AFAP1: variants seen among roughly 807,000 people sequenced by gnomAD.
The protein encoded by AFAP1 is actin filament-associated protein 1.
Under a neutral mutation model 93.9 loss-of-function variants are expected in AFAP1, and 75 were observed. The observed-to-expected ratio is 0.80, with a 90% CI of 0.66 to 0.97. The LOEUF (loss-of-function observed/expected upper bound fraction) is 0.97, where lower values mean the gene tolerates loss of function less well. Among genes scored for constraint, AFAP1 ranks in the 50% least tolerant of loss-of-function variants. The probability of loss-of-function intolerance (pLI) is 0.00; values close to 1 mark genes in which losing one functional copy is unlikely to be tolerated. For synonymous variants in AFAP1, 517 were observed against 430.7 expected (o/e 1.20, Z -2.48); for missense variants, 1,201 against 1,050.8 (o/e 1.14, Z -1.98).
At chr4:7,773,943 G>C (rs1478150727) in intron 15 of AFAP1, 1 of 152,442 alleles carries the variant, frequency 6.6e-6, no homozygotes, top group Non-Finnish European at 1.5e-5. Context: ...CGAGCCATGG[G>C]AAGGCCACAG....
chr4:7,768,022 GCT>G (rs1714857441), intron 17 of AFAP1, among the ~76,000 whole-genome samples: 1 of 152,254 alleles, frequency 6.6e-6, no homozygotes, highest in African/African-American at 2.4e-5. Context: ...GCTGTGGTGA[GCT>G]GTGATGGCAC....
At chr4:7,819,632 C>A (rs1720788451) in intron 6 of AFAP1, among the ~76,000 whole-genome samples, 1 of 152,178 alleles carries the variant, frequency 6.6e-6, no homozygotes, top group South Asian at 2.1e-4. Context: ...GCAGGAACAG[C>A]TGGTGAAAAA....
intron 1 of AFAP1, among the ~76,000 whole-genome samples, chr4:7,881,937 C>T (rs1717875743): frequency 6.6e-6 from 1 of 152,160 alleles, no homozygotes; most frequent in Non-Finnish European, 1.5e-5. Context: ...TATATCTCAG[C>T]ATCATCATGA....
At chr4:7,907,832 TA>T (rs1246728239) in intron 1 of AFAP1, among the ~76,000 whole-genome samples, 1 of 152,152 alleles carries the variant, frequency 6.6e-6, no homozygotes, top group Admixed American at 6.5e-5. Context: ...TGAAGGAAAT[TA>T]AAAATGAGGC....
chr4:7,835,963 G>A (rs1272556791), intron 6 of AFAP1, among the ~76,000 whole-genome samples: 7 of 152,154 alleles, frequency 4.6e-5, no homozygotes, highest in Non-Finnish European at 1.0e-4. Context: ...ACCCCCAAGT[G>A]TGCGGGAGAG....
chr4:7,937,940 G>A (rs1174792286), intron 1 of AFAP1, among the ~76,000 whole-genome samples: 2 of 152,146 alleles, frequency 1.3e-5, no homozygotes, highest in African/African-American at 2.4e-5. Flanking sequence ...AAAGGAGCTC[G>A]CATTTACCCG....
At chr4:7,778,520 A>G in intron 14 of AFAP1, 1 of 569,358 alleles carries the variant, frequency 1.8e-6, no homozygotes, top group Non-Finnish European at 3.1e-6. Context: ...CTATTTTAAA[A>G]TGCTGAGTCG....
intron 4 of AFAP1, among the ~76,000 whole-genome samples, chr4:7,854,275 T>C (rs368538975): frequency 6.6e-6 from 1 of 152,224 alleles, no homozygotes; most frequent in African/African-American, 2.4e-5. Flanking sequence ...TTATCAGAAC[T>C]ATCCCTTTTC....
intron 9 of AFAP1, among the ~76,000 whole-genome samples, chr4:7,804,586 G>C (rs1466038899): frequency 3.3e-5 from 5 of 152,174 alleles, no homozygotes; most frequent in Non-Finnish European, 7.3e-5. Context: ...CCGGATATGG[G>C]GCGTCGCGGG....
chr4:7,922,054 C>T (rs1360591059), intron 1 of AFAP1, among the ~76,000 whole-genome samples: 1 of 152,028 alleles, frequency 6.6e-6, no homozygotes, highest in Non-Finnish European at 1.5e-5. Context: ...ACCCAGGAAG[C>T]GGAGGTTGCA....
chr4:7,883,688 A>G (rs1717980700), intron 1 of AFAP1, among the ~76,000 whole-genome samples: 1 of 152,234 alleles, frequency 6.6e-6, no homozygotes, highest in Non-Finnish European at 1.5e-5. Flanking sequence ...TAGCTAGAAG[A>G]TATCATGGAA....
At chr4:7,785,105 A>G (rs903850746) in intron 12 of AFAP1, among the ~76,000 whole-genome samples, 4 of 152,184 alleles carry the variant, frequency 2.6e-5, no homozygotes, top group African/African-American at 9.6e-5. Context: ...TCCTTCATTC[A>G]TCTGCTAACT....
rs10937859 is a variant in AFAP1, at chr4:7,774,416, G to A, written c.2062+323C>T. 36,009 of 309,628 alleles carry A rather than the reference G, an allele frequency of 0.12. 2,543 individuals carry two copies. The highest frequency in any genetic ancestry group is 0.26 in the East Asian group (3,514 of 13,370). 19.2% of individuals were successfully genotyped at this position (309,628 alleles called of 1,614,324 possible). On this transcript the variant is annotated intron_variant, in intron 15 of 17. Coordinates refer to ENST00000420658, the MANE Select transcript of AFAP1 (RefSeq NM_001134647.2). The stretch of plus-strand genomic sequence containing the variant: ...GTGACCAGAATCTACTGCGTCCTGC[G>A]GATACAGGGGCCATCCTCCAGACAA...
intron 10 of AFAP1, 71 bp downstream of exon 10, chr4:7,800,371 C>A: frequency 6.7e-7 from 1 of 1,502,260 alleles, no homozygotes; most frequent in Non-Finnish European, 9.1e-7. Context: ...GAGGAGTCAG[C>A]ATTCGCCTTT....
In AFAP1 at chr4:7,763,066, AAGTGTGACACACAGT is replaced by A. The variant is rs1277419286; in HGVS notation, c.*684_*698del. 1 of 152,552 alleles carries A rather than the reference AAGTGTGACACACAGT, an allele frequency of 6.6e-6. No individual in the cohort carries two copies. The highest frequency in any genetic ancestry group is 1.5e-5 in the Non-Finnish European group (1 of 68,050). The allele number at this position is 152,552 out of a possible 1,614,324, so 9.4% of individuals were successfully genotyped here. ...GGAACCTCTGAAAACTCCTTGATCT[AAGTGTGACACACAGT>A]AAAAAGACATTCCTAAAAAACAGGT... On this transcript the variant is annotated 3_prime_UTR_variant, in exon 18 of 18. Coordinates refer to ENST00000420658, the MANE Select transcript of AFAP1 (RefSeq NM_001134647.2).
chr4:7,812,312 C>G (rs1720118843), intron 8 of AFAP1, among the ~76,000 whole-genome samples: 1 of 152,064 alleles, frequency 6.6e-6, no homozygotes, highest in African/African-American at 2.4e-5. Flanking sequence ...CCAGAAAATG[C>G]AGCTCATCGC....
chr4:7,799,147 G>A, intron 10 of AFAP1: 8 of 944,912 alleles, frequency 8.5e-6, no homozygotes, highest in Non-Finnish European at 1.0e-5. Flanking sequence ...TTTGGCCGTG[G>A]TCAGGGTCTG....
At chr4:7,847,827 G>A (rs28612887) in intron 4 of AFAP1, among the ~76,000 whole-genome samples, 114,021 of 145,714 alleles carry the variant, frequency 0.78, 45,195 homozygotes, top group East Asian at 0.93. Flanking sequence ...CATCAGGCCC[G>A]ACCCATTCAG....
At chr4:7,873,260 A>C (rs867932623) in intron 1 of AFAP1, among the ~76,000 whole-genome samples, 10 of 146,006 alleles carry the variant, frequency 6.8e-5, no homozygotes, top group Non-Finnish European at 1.4e-4. Flanking sequence ...AAAAAAAAAA[A>C]ACCCCACTTT....
Sources: gnomAD v4.1 joint callset for allele counts (sites outside exome capture counted in the v4.1 genomes callset) on GRCh38, gnomAD v4.1.1 for gene constraint, MANE v1.5 for transcripts, NCBI Gene and HGNC (gene_info 2026-07-23, HGNC 2026-07-21) for gene names.